ATG10: variants seen among roughly 807,000 people sequenced by gnomAD.
The protein encoded by ATG10 is autophagy related 10, also known as ubiquitin-like-conjugating enzyme ATG10.
Under a neutral mutation model 32.1 loss-of-function variants are expected in ATG10, and 30 were observed. That is an observed-to-expected ratio of 0.94 (90% CI 0.70 to 1.27). The LOEUF is 1.27. ATG10 is among the 50% of genes most tolerant of loss of function. The pLI is 0.00. For missense variants in ATG10, 233 were observed against 262.3 expected (o/e 0.89, Z 0.77); for synonymous variants, 87 against 91.5 (o/e 0.95, Z 0.28).
At chr5:82,155,487 A>G (rs147625848) in intron 3 of ATG10, among the ~76,000 whole-genome samples, 182 of 152,318 alleles carry the variant, frequency 1.2e-3, no homozygotes, top group African/African-American at 4.2e-3. Context: ...GAGTACAGCC[A>G]CGTACCTTTG....
intron 2 of ATG10, among the ~76,000 whole-genome samples, chr5:82,023,922 A>G (rs1762520052): frequency 6.6e-6 from 1 of 152,230 alleles, no homozygotes. Flanking sequence ...GCACACATAC[A>G]GAGAAGTTTG....
intron 3 of ATG10, among the ~76,000 whole-genome samples, chr5:82,125,536 T>C (rs991689226): frequency 6.6e-5 from 10 of 152,236 alleles, no homozygotes; most frequent in African/African-American, 2.4e-4. Context: ...AGGAAATGTT[T>C]TCCCTATTGC....
chr5:81,994,447 G>A (rs1264772885), intron 2 of ATG10, among the ~76,000 whole-genome samples: 12 of 152,134 alleles, frequency 7.9e-5, no homozygotes. Context: ...ATTTCTGAAA[G>A]GTAGAAAGAA....
At chr5:82,053,680 G>A (rs1763498096) in intron 2 of ATG10, among the ~76,000 whole-genome samples, 1 of 152,114 alleles carries the variant, frequency 6.6e-6, no homozygotes, top group Non-Finnish European at 1.5e-5. Context: ...AATGAAAGTT[G>A]TTTGGGTTAT....
At chr5:82,230,642 A>G (rs1746326343) in intron 5 of ATG10, among the ~76,000 whole-genome samples, 1 of 149,706 alleles carries the variant, frequency 6.7e-6, no homozygotes, top group Non-Finnish European at 1.5e-5. Flanking sequence ...CTGAGGCAAG[A>G]GAATCGCTTG....
intron 2 of ATG10, among the ~76,000 whole-genome samples, chr5:82,054,903 T>G (rs1763543652): frequency 6.6e-6 from 1 of 152,178 alleles, no homozygotes; most frequent in Non-Finnish European, 1.5e-5. Context: ...AAGTGTAAGC[T>G]ATGATAAGTA....
intron 2 of ATG10, among the ~76,000 whole-genome samples, chr5:82,053,942 G>C (rs756670691): frequency 1.3e-5 from 2 of 152,176 alleles, no homozygotes; most frequent in African/African-American, 2.4e-5. Context: ...TCCAAGAAGA[G>C]AGCATTAACA....
At chr5:81,982,770 T>C (rs529541178) in intron 1 of ATG10, among the ~76,000 whole-genome samples, 13 of 152,250 alleles carry the variant, frequency 8.5e-5, no homozygotes, top group Middle Eastern at 6.8e-3. Context: ...TGACTCTTAA[T>C]GAGCATGCTG....
chr5:82,100,928 T>C (rs921483315), intron 3 of ATG10, among the ~76,000 whole-genome samples: 3 of 152,106 alleles, frequency 2.0e-5, no homozygotes, highest in African/African-American at 4.8e-5. Flanking sequence ...AGATTACATC[T>C]GGTGGATTGC....
At chr5:82,008,393 A>T (rs1762038625) in intron 2 of ATG10, among the ~76,000 whole-genome samples, 1 of 152,120 alleles carries the variant, frequency 6.6e-6, no homozygotes, top group African/African-American at 2.4e-5. Context: ...GTTATACTAG[A>T]TTTTTCCATT....
intron 5 of ATG10, chr5:82,242,846 T>C (rs1035907729): frequency 7.7e-5 from 35 of 451,658 alleles, no homozygotes; most frequent in African/African-American, 6.6e-4. Context: ...ACAAAGAATA[T>C]TATCCCAGAA....
In ATG10 at chr5:82,243,276, A is replaced by C. The variant is rs1414342937; in HGVS notation, c.454-9286A>C. On this transcript the variant is annotated intron_variant, in intron 5 of 7. Coordinates refer to ENST00000282185, the MANE Select transcript of ATG10 (RefSeq NM_031482.5). Reference sequence around the variant, plus strand: ...AAAAAAGAAAAGGAAAGGAAGAAACATTAAAAATAGAATGAGTAAAATGTC... The same window carrying C: ...AAAAAAGAAAAGGAAAGGAAGAAACCTTAAAAATAGAATGAGTAAAATGTC... Among the ~76,000 whole-genome samples, 5 of 152,088 alleles carry C rather than the reference A, an allele frequency of 3.3e-5. No homozygotes were observed. In the East Asian group the frequency reaches 9.6e-4, roughly 29 times the overall value.
intron 5 of ATG10, among the ~76,000 whole-genome samples, chr5:82,185,571 A>G (rs898420239): frequency 2.0e-5 from 3 of 152,160 alleles, no homozygotes; most frequent in African/African-American, 7.2e-5. Flanking sequence ...AAACATGACA[A>G]TTAATTTTAG....
chr5:82,096,116 G>A (rs1275764270), intron 3 of ATG10, among the ~76,000 whole-genome samples: 1 of 152,114 alleles, frequency 6.6e-6, no homozygotes. Flanking sequence ...TGGCACATCA[G>A]CTATCACATG....
At chr5:82,154,736 C>A (rs1767741932) in intron 3 of ATG10, among the ~76,000 whole-genome samples, 2 of 152,222 alleles carry the variant, frequency 1.3e-5, no homozygotes. Flanking sequence ...TTAAAAGCAA[C>A]AACCACATCT....
chr5:82,099,518 G>A (rs1235059000), intron 3 of ATG10, among the ~76,000 whole-genome samples: 1 of 152,016 alleles, frequency 6.6e-6, no homozygotes, highest in African/African-American at 2.4e-5. Flanking sequence ...TACAGGAAAT[G>A]AATAGTGACA....
chr5:82,161,169 A>G (rs1743323790), intron 3 of ATG10, among the ~76,000 whole-genome samples: 1 of 152,222 alleles, frequency 6.6e-6, no homozygotes, highest in Non-Finnish European at 1.5e-5. Context: ...AGATGCTAGC[A>G]GACACAAACC....
chr5:82,098,579 G>C (rs1455666852), intron 3 of ATG10, among the ~76,000 whole-genome samples: 1 of 152,096 alleles, frequency 6.6e-6, no homozygotes, highest in Non-Finnish European at 1.5e-5. Context: ...CAAAGTGCTG[G>C]GATTACAGGC....
intron 2 of ATG10, among the ~76,000 whole-genome samples, chr5:82,012,907 C>T (rs967402347): frequency 6.6e-5 from 10 of 151,874 alleles, no homozygotes; most frequent in Middle Eastern, 3.4e-3. Context: ...ATCCGCCTTC[C>T]GTGGCTTCCC....
Sources: allele counts gnomAD v4.1 joint callset (sites outside exome capture counted in the v4.1 genomes callset), GRCh38; gene constraint gnomAD v4.1.1; transcripts MANE v1.5; gene names NCBI Gene and HGNC (gene_info 2026-07-23, HGNC 2026-07-21).